CSMD1: variants seen among roughly 807,000 people sequenced by gnomAD.
CSMD1 encodes the protein CUB and Sushi multiple domains 1.
CSMD1 carries 213 observed loss-of-function variants against 417.5 expected under a neutral mutation model. The ratio of observed to expected loss-of-function variants is 0.51; its 90% confidence interval spans 0.46 to 0.57. The LOEUF (loss-of-function observed/expected upper bound fraction) is 0.57, where lower values mean the gene tolerates loss of function less well. Ranked by LOEUF, CSMD1 falls within the 20% of genes least tolerant of loss-of-function variation. The pLI, the probability that CSMD1 is intolerant of heterozygous loss-of-function variation, is 0.00. For synonymous variants in CSMD1, 2,862 were observed against 1,736.8 expected (o/e 1.65, Z -16.11); for missense variants, 6,923 against 4,529.7 (o/e 1.53, Z -15.17).
chr8:4,254,119 G>A (rs543489898), intron 3 of CSMD1, among the ~76,000 whole-genome samples: 2 of 151,794 alleles, frequency 1.3e-5, no homozygotes, highest in East Asian at 2.0e-4. Flanking sequence ...GGGTTTCACC[G>A]TGTTAGCCAG....
In CSMD1 at chr8:3,833,170, T is replaced by C. The variant is rs575447793; in HGVS notation, c.819-79128A>G. ...CTCTTTAAAATTTCAGGAAAGTATA[T>C]AATCACTTTAATTTGTCCAAAGAAT... On this transcript the variant is annotated intron_variant, in intron 5 of 69. Coordinates refer to ENST00000635120, the MANE Select transcript of CSMD1 (RefSeq NM_033225.6). 3.3e-5 allele frequency among the ~76,000 whole-genome samples: 5 copies of C among 152,162 alleles called. No homozygotes were observed. In the East Asian group the frequency reaches 5.8e-4, roughly 18 times the overall value.
chr8:3,636,888 G>A (rs933978448), intron 7 of CSMD1, among the ~76,000 whole-genome samples: 2 of 152,128 alleles, frequency 1.3e-5, no homozygotes, highest in Non-Finnish European at 2.9e-5. Context: ...TGTTGCCATT[G>A]TGAGGTAACT....
At chr8:3,988,747 T>G (rs548475390) in intron 5 of CSMD1, among the ~76,000 whole-genome samples, 33 of 152,332 alleles carry the variant, frequency 2.2e-4, no homozygotes, top group Non-Finnish European at 3.5e-4. Flanking sequence ...TTGACGGACA[T>G]ATACAAAAAC....
intron 3 of CSMD1, among the ~76,000 whole-genome samples, chr8:4,350,912 C>G (rs1343094744): frequency 6.6e-6 from 1 of 152,204 alleles, no homozygotes; most frequent in Non-Finnish European, 1.5e-5. Flanking sequence ...GTGGGCCGTG[C>G]TTACAGGACC....
At chr8:4,532,037 C>G (rs1024843599) in intron 2 of CSMD1, among the ~76,000 whole-genome samples, 2 of 150,626 alleles carry the variant, frequency 1.3e-5, no homozygotes, top group Admixed American at 1.3e-4. Flanking sequence ...CCTGCACCCC[C>G]ATTCAGTCAC....
At chr8:4,042,054 C>A (rs1314045911) in intron 3 of CSMD1, among the ~76,000 whole-genome samples, 3 of 151,878 alleles carry the variant, frequency 2.0e-5, no homozygotes, top group South Asian at 4.2e-4. Flanking sequence ...CAAGCAGACA[C>A]AAGTATGTAA....
rs546243416 is a variant in CSMD1 at position 3,271,762 on chromosome 8, C to G, written c.4153+12382G>C. Reference sequence around the variant, plus strand: ...AGTGTCTGTTCATGTCCTTTGCCCACTTTTTGATGGGGTTGTTTGTTTTTT... The same window carrying G: ...AGTGTCTGTTCATGTCCTTTGCCCAGTTTTTGATGGGGTTGTTTGTTTTTT... On this transcript the variant is annotated intron_variant, in intron 26 of 69. Transcript: ENST00000635120. 2.6e-3 allele frequency among the ~76,000 whole-genome samples: 402 copies of G among 152,160 alleles called. 2 individuals carry two copies. Among genetic ancestry groups the G allele is most frequent in the African/African-American group, 9.3e-3 (388 of 41,530 alleles).
chr8:3,878,222 G>A (rs888522184), intron 5 of CSMD1, among the ~76,000 whole-genome samples: 1 of 152,098 alleles, frequency 6.6e-6, no homozygotes, highest in South Asian at 2.1e-4. Context: ...ATATCAAGTA[G>A]TGAGAAGTCG....
intron 3 of CSMD1, among the ~76,000 whole-genome samples, chr8:4,196,433 T>C (rs1256635970): frequency 2.0e-5 from 3 of 152,198 alleles, no homozygotes; most frequent in African/African-American, 7.2e-5. Flanking sequence ...GCTACAGTCC[T>C]TTCTGAAGCC....
intron 12 of CSMD1, among the ~76,000 whole-genome samples, chr8:3,448,345 GAGGAAGGAAGAAGGAAGAAGGGAGGA>G (rs1815449532): frequency 1.1e-3 from 3 of 2,726 alleles, no homozygotes; most frequent in South Asian, 0.028. Context: ...GGGAGGGAGG[GAGGAAGGAAGAAGGAAGAAGGGAGGA>G]AGGGAGGGGG....
chr8:3,664,331 G>C (rs1029987309), intron 7 of CSMD1, among the ~76,000 whole-genome samples: 2 of 152,124 alleles, frequency 1.3e-5, no homozygotes, highest in Non-Finnish European at 1.5e-5. Flanking sequence ...ATGTTTTCCA[G>C]CTTCATCTTA....
intron 5 of CSMD1, among the ~76,000 whole-genome samples, chr8:3,856,938 T>C (rs1030469280): frequency 7.2e-5 from 11 of 152,162 alleles, no homozygotes; most frequent in African/African-American, 2.7e-4. Flanking sequence ...GTAGCCTAGC[T>C]ATCCTGACAG....
chr8:4,425,075 A>T (rs1797468481), intron 2 of CSMD1, among the ~76,000 whole-genome samples: 1 of 152,088 alleles, frequency 6.6e-6, no homozygotes, highest in African/African-American at 2.4e-5. Flanking sequence ...GCCCATCTTG[A>T]AGTTTTACAT....
At chr8:3,717,406 T>A (rs1801902108) in intron 6 of CSMD1, among the ~76,000 whole-genome samples, 1 of 145,316 alleles carries the variant, frequency 6.9e-6, no homozygotes, top group Non-Finnish European at 1.5e-5. Flanking sequence ...ATTAATTTTG[T>A]TTTTCTTTTC....
At chr8:3,381,330 T>C (rs376915657) in intron 18 of CSMD1, among the ~76,000 whole-genome samples, 3 of 152,228 alleles carry the variant, frequency 2.0e-5, no homozygotes, top group Admixed American at 2.0e-4. Context: ...TTGTCTATAG[T>C]CCAAATTAAC....
At chr8:3,986,680 C>T (rs1043787617) in intron 5 of CSMD1, among the ~76,000 whole-genome samples, 2 of 152,144 alleles carry the variant, frequency 1.3e-5, no homozygotes, top group African/African-American at 4.8e-5. Context: ...ACAGAGTGAA[C>T]ATTTTACAAG....
intron 2 of CSMD1, among the ~76,000 whole-genome samples, chr8:4,458,740 G>A (rs1046887171): frequency 2.6e-5 from 4 of 152,022 alleles, no homozygotes; most frequent in African/African-American, 9.7e-5. Context: ...TTCTCCTTTT[G>A]TTACTTACAA....
chr8:3,081,443 T>C (rs1294294557), intron 49 of CSMD1, among the ~76,000 whole-genome samples: 2 of 152,200 alleles, frequency 1.3e-5, no homozygotes, highest in African/African-American at 2.4e-5. Flanking sequence ...AAAGAGATAT[T>C]TGCTATTTTT....
At chr8:3,228,670 A>T (rs1294984814) in intron 27 of CSMD1, among the ~76,000 whole-genome samples, 1 of 152,154 alleles carries the variant, frequency 6.6e-6, no homozygotes, top group Non-Finnish European at 1.5e-5. Flanking sequence ...AACTTTTATA[A>T]TTACATGTTC....
Sources: gnomAD v4.1 joint callset for allele counts (sites outside exome capture counted in the v4.1 genomes callset) on GRCh38, gnomAD v4.1.1 for gene constraint, MANE v1.5 for transcripts, NCBI Gene and HGNC (gene_info 2026-07-23, HGNC 2026-07-21) for gene names.